The following VAV2 variants were observed in gnomAD, a reference collection of about 807,000 sequenced individuals.
VAV2 encodes guanine nucleotide exchange factor VAV2.
A neutral mutation model predicts 132.5 loss-of-function variants in VAV2; 67 were observed. That is an observed-to-expected ratio of 0.51 (90% CI 0.42 to 0.62). The LOEUF (loss-of-function observed/expected upper bound fraction) is 0.62. Ranked by LOEUF, VAV2 falls within the 20% of genes least tolerant of loss-of-function variation. The probability of loss-of-function intolerance (pLI) is 0.00; values close to 1 mark genes in which losing one functional copy is unlikely to be tolerated. For missense variants in VAV2, 938 were observed against 1,153.6 expected, an observed-to-expected ratio of 0.81 and a Z score of 2.71; for synonymous variants, 492 against 443.5, an observed-to-expected ratio of 1.11 and a Z score of -1.37.
At chr9:133,827,827 G>A (rs1413964621) in intron 4 of VAV2, among the ~76,000 whole-genome samples, 31 of 186 alleles carry the variant, frequency 0.17, 14 homozygotes, top group South Asian at 1. Context: ...ACCACTGAGT[G>A]GGGGCATCAC....
At chr9:133,980,646 C>T (rs924349251) in intron 1 of VAV2, among the ~76,000 whole-genome samples, 1 of 152,194 alleles carries the variant, frequency 6.6e-6, no homozygotes, top group African/African-American at 2.4e-5. Flanking sequence ...CCATCCCCTG[C>T]AAGGCAGAGG....
chr9:133,812,022 C>G, intron 5 of VAV2, 92 bp downstream of exon 5: 2 of 1,349,072 alleles, frequency 1.5e-6, no homozygotes, highest in Non-Finnish European at 2.1e-6. Context: ...GTGGCTCAGA[C>G]ATGGGGACAG....
At chr9:133,988,538 G>C (rs72764882) in intron 1 of VAV2, among the ~76,000 whole-genome samples, 5,228 of 152,250 alleles carry the variant, frequency 0.034, 114 homozygotes, top group Non-Finnish European at 0.05. Context: ...GCCACAGCAG[G>C]GCAGGTAAGA....
intron 3 of VAV2, among the ~76,000 whole-genome samples, chr9:133,835,439 G>A (rs1404080935): frequency 1.3e-5 from 2 of 151,806 alleles, no homozygotes; most frequent in Non-Finnish European, 2.9e-5. Context: ...AGAGGCAGGA[G>A]AGGCAGATCA....
At position 133,969,192 on chromosome 9, in the gene VAV2, G is replaced by C. The variant is rs916533948; in HGVS notation, c.204+22883C>G. ...GCGAGGACGAGAGCTGGATTCCACC[G>C]TGCCCGCCGGGCCTGCGAGGACGAG... On this transcript the variant is annotated intron_variant, in intron 1 of 29. Coordinates refer to ENST00000371850, the MANE Select transcript of VAV2 (RefSeq NM_001134398.2). This position sits in a 1 kb window ranked among gnomAD's most constrained non-coding sequence, Gnocchi z 5.1. 2.0e-5 allele frequency among the ~76,000 whole-genome samples: 3 copies of C among 151,296 alleles called. No homozygotes were observed. The highest frequency in any genetic ancestry group is 4.4e-5 in the Non-Finnish European group (3 of 67,850).
intron 3 of VAV2, among the ~76,000 whole-genome samples, chr9:133,839,519 C>T (rs1457006596): frequency 2.0e-5 from 3 of 150,296 alleles, no homozygotes; most frequent in Non-Finnish European, 4.4e-5. Flanking sequence ...GGCATGATCT[C>T]GGCTCACTGC....
At chr9:133,838,923 G>A (rs1293391204) in intron 3 of VAV2, among the ~76,000 whole-genome samples, 1 of 138,894 alleles carries the variant, frequency 7.2e-6, no homozygotes, top group Non-Finnish European at 1.6e-5. Context: ...GTATGGATGG[G>A]TGGGTGGATG....
At position 133,824,261 on chromosome 9, in the gene VAV2, G is replaced by T. The variant is rs377513744; in HGVS notation, c.449+10011C>A. On this transcript the variant is annotated intron_variant, in intron 4 of 29. Coordinates refer to ENST00000371850, the MANE Select transcript of VAV2 (RefSeq NM_001134398.2). The surrounding 1 kb of genome is among the most constrained non-coding windows in gnomAD (Gnocchi z 5.2). ...AGTCCCACAGCCACCTCCCGACGGGGACTGGGCTTGTCTAGACCACAGGAG... is the reference window on the plus strand; with the variant it reads ...AGTCCCACAGCCACCTCCCGACGGGTACTGGGCTTGTCTAGACCACAGGAG... Among the ~76,000 whole-genome samples the T allele has an allele frequency of 3.2e-3, 494 of 152,282 alleles. 1 individual carries two copies. Among genetic ancestry groups the T allele is most frequent in the Admixed American group, 7.3e-3 (111 of 15,306 alleles).
chr9:133,946,332 C>T (rs1310851504), intron 1 of VAV2, among the ~76,000 whole-genome samples: 1 of 152,216 alleles, frequency 6.6e-6, no homozygotes, highest in Non-Finnish European at 1.5e-5. Flanking sequence ...AGGTGAAGAC[C>T]CCCACCCCAT....
At chr9:133,846,532 C>T (rs539230511) in intron 3 of VAV2, among the ~76,000 whole-genome samples, 29 of 151,210 alleles carry the variant, frequency 1.9e-4, no homozygotes, top group East Asian at 1.5e-3. Context: ...TCACACGTTG[C>T]TCCCTCCCCT....
chr9:133,842,125 C>T (rs570234248), intron 3 of VAV2, among the ~76,000 whole-genome samples: 1 of 152,352 alleles, frequency 6.6e-6, no homozygotes, highest in African/African-American at 2.4e-5. Context: ...GTGCTTGGCT[C>T]ATCCAGCCAT....
chr9:133,772,163 G>C (rs535219394), intron 25 of VAV2, 117 bp from the exon 26 acceptor site: 3 of 756,684 alleles, frequency 4.0e-6, no homozygotes, highest in African/African-American at 3.7e-5. Context: ...CTGGCCCCCA[G>C]GGCCACTCCC....
At chr9:133,917,265 G>T (rs1239177128) in intron 2 of VAV2, among the ~76,000 whole-genome samples, 1 of 152,056 alleles carries the variant, frequency 6.6e-6, no homozygotes, top group Non-Finnish European at 1.5e-5. Context: ...TTCAGGAGAG[G>T]AGGTGACAAA....
At chr9:133,792,123 T>C (rs1419641009) in intron 12 of VAV2, among the ~76,000 whole-genome samples, 1 of 56,452 alleles carries the variant, frequency 1.8e-5, no homozygotes, top group Non-Finnish European at 3.5e-5. Flanking sequence ...GTGGGGTGTG[T>C]GTGAGCGGGT....
At chr9:133,813,946 C>G (rs1835457101) in intron 4 of VAV2, among the ~76,000 whole-genome samples, 1 of 152,246 alleles carries the variant, frequency 6.6e-6, no homozygotes, top group Non-Finnish European at 1.5e-5. Context: ...AACAAACAAA[C>G]TGAGGTTAAA....
chr9:133,819,452 A>AC (rs1835701324), intron 4 of VAV2, among the ~76,000 whole-genome samples: 1 of 151,868 alleles, frequency 6.6e-6, no homozygotes, highest in Non-Finnish European at 1.5e-5. Context: ...CCGTCTCAAA[A>AC]AAAAAAAAAG....
intron 2 of VAV2, among the ~76,000 whole-genome samples, chr9:133,878,179 G>C (rs1278014512): frequency 1.3e-5 from 2 of 152,230 alleles, no homozygotes; most frequent in Admixed American, 1.3e-4. Context: ...TGCTCCGGGT[G>C]TACCACGGGG....
At chr9:133,967,877 G>A (rs985363405) in intron 1 of VAV2, among the ~76,000 whole-genome samples, 35 of 132,844 alleles carry the variant, frequency 2.6e-4, no homozygotes, top group African/African-American at 9.5e-4. Context: ...AGGTCGCAGT[G>A]AGCCAAGATC....
intron 23 of VAV2, 95 bp from the exon 24 acceptor site, chr9:133,776,175 C>A: frequency 1.3e-6 from 2 of 1,524,880 alleles, no homozygotes; most frequent in African/African-American, 2.7e-5. Flanking sequence ...CCTGTCCCCA[C>A]ATTGGCTGCC....
Sources: gnomAD v4.1 joint callset for allele counts (sites outside exome capture counted in the v4.1 genomes callset) on GRCh38, gnomAD v4.1.1 for gene constraint, Gnocchi (gnomAD v3.1) non-coding constraint, MANE v1.5 for transcripts, NCBI Gene and HGNC (gene_info 2026-07-23, HGNC 2026-07-21) for gene names.